The following SPOCK3 variants were observed in gnomAD, a reference collection of about 807,000 sequenced individuals.
The protein encoded by SPOCK3 is SPARC (osteonectin), cwcv and kazal like domains proteoglycan 3, also known as testican-3.
Under a neutral mutation model 56.6 loss-of-function variants are expected in SPOCK3, and 30 were observed. That is an observed-to-expected ratio of 0.53 (90% confidence interval 0.40 to 0.72). The LOEUF is 0.72. Among genes scored for constraint, SPOCK3 ranks in the 30% least tolerant of loss-of-function variants. The pLI is 0.00. For synonymous variants in SPOCK3, 196 were observed against 183.3 expected (o/e 1.07, Z -0.56); for missense variants, 527 against 530.0 (o/e 0.99, Z 0.06).
At chr4:167,026,076 G>A (rs769672142) in intron 3 of SPOCK3, among the ~76,000 whole-genome samples, 4 of 152,074 alleles carry the variant, frequency 2.6e-5, no homozygotes, top group Non-Finnish European at 4.4e-5. Flanking sequence ...TAGGTGACAG[G>A]ACATTTTCAG....
At chr4:167,062,412 C>T (rs771420239) in intron 3 of SPOCK3, 80 bp downstream of exon 3, 211 of 1,106,922 alleles carry the variant, frequency 1.9e-4, no homozygotes, top group Non-Finnish European at 2.6e-4. Flanking sequence ...CAAGCCTAAC[C>T]AGACAGTAAA....
chr4:166,939,584 A>G (rs1315048202), intron 4 of SPOCK3, among the ~76,000 whole-genome samples: 2 of 152,182 alleles, frequency 1.3e-5, no homozygotes, highest in African/African-American at 4.8e-5. Flanking sequence ...CTGCAGGAAG[A>G]GAAGTTATTT....
rs1755894985 is a variant in SPOCK3 at position 167,064,316 on chromosome 4, T to C, written c.190-1779A>G. ...GGCAAATTATAGCAATCTATACACATAGATTTTCCACTAAATTATCTAGGA... is the reference window on the plus strand; with the variant it reads ...GGCAAATTATAGCAATCTATACACACAGATTTTCCACTAAATTATCTAGGA... On this transcript the variant is annotated intron_variant, in intron 2 of 10. Transcript: ENST00000357545. Among the ~76,000 whole-genome samples, 3 of 151,770 alleles carry C rather than the reference T, an allele frequency of 2.0e-5. No individual in the cohort carries two copies. The South Asian group carries it at 6.2e-4, about 31-fold the overall frequency.
chr4:166,928,883 G>A (rs773587761), intron 4 of SPOCK3, among the ~76,000 whole-genome samples: 32 of 152,104 alleles, frequency 2.1e-4, no homozygotes, highest in African/African-American at 1.9e-4. Flanking sequence ...CAGGAGAATC[G>A]CTTGAACTCA....
At chr4:166,909,755 T>C (rs1737051938) in intron 5 of SPOCK3, among the ~76,000 whole-genome samples, 1 of 152,146 alleles carries the variant, frequency 6.6e-6, no homozygotes, top group East Asian at 1.9e-4. Flanking sequence ...AGCTCATCAT[T>C]ATTGTTCAAA....
At chr4:167,183,508 T>C (rs1240409765) in intron 2 of SPOCK3, among the ~76,000 whole-genome samples, 3 of 152,158 alleles carry the variant, frequency 2.0e-5, no homozygotes, top group African/African-American at 7.2e-5. Context: ...AATTATCTTC[T>C]TAAAGACATA....
At chr4:166,941,957 C>T (rs1377033165) in intron 4 of SPOCK3, among the ~76,000 whole-genome samples, 1 of 152,178 alleles carries the variant, frequency 6.6e-6, no homozygotes, top group Non-Finnish European at 1.5e-5. Flanking sequence ...TGCACTCAGA[C>T]ATCTGACTCA....
intron 4 of SPOCK3, among the ~76,000 whole-genome samples, chr4:166,989,242 C>G (rs1747513055): frequency 6.6e-6 from 1 of 151,908 alleles, no homozygotes; most frequent in Non-Finnish European, 1.5e-5. Context: ...ATATTTATGA[C>G]TAAAATCTAG....
chr4:166,860,741 C>T (rs1731138091), intron 6 of SPOCK3, among the ~76,000 whole-genome samples: 1 of 128,948 alleles, frequency 7.8e-6, no homozygotes, highest in Non-Finnish European at 1.6e-5. Flanking sequence ...GTTTCAGAAC[C>T]TCCCACTACA....
At chr4:166,743,292 T>C (rs1331559297) in intron 8 of SPOCK3, among the ~76,000 whole-genome samples, 1 of 152,104 alleles carries the variant, frequency 6.6e-6, no homozygotes, top group Non-Finnish European at 1.5e-5. Context: ...AGGCAAAGTA[T>C]ATTAATTTAA....
chr4:167,066,839 C>T (rs1203508409), intron 2 of SPOCK3, among the ~76,000 whole-genome samples: 2 of 151,822 alleles, frequency 1.3e-5, no homozygotes, highest in East Asian at 3.9e-4. Flanking sequence ...TAAATAAACA[C>T]CACACCCAGT....
At chr4:167,171,973 T>C (rs1253357931) in intron 2 of SPOCK3, among the ~76,000 whole-genome samples, 5 of 151,568 alleles carry the variant, frequency 3.3e-5, no homozygotes, top group Non-Finnish European at 7.4e-5. Context: ...CTAAAGAGGA[T>C]ACTGCATAAA....
chr4:167,223,490 A>C (rs967077139), intron 2 of SPOCK3, among the ~76,000 whole-genome samples: 6 of 151,748 alleles, frequency 4.0e-5, no homozygotes, highest in Admixed American at 2.0e-4. Flanking sequence ...ACAGATGAAG[A>C]AGCATTACTC....
At chr4:167,153,515 G>GC (rs1171708357) in intron 2 of SPOCK3, among the ~76,000 whole-genome samples, 1 of 152,134 alleles carries the variant, frequency 6.6e-6, no homozygotes, top group Non-Finnish European at 1.5e-5. Flanking sequence ...AGAAACTCGT[G>GC]CCACATTCCC....
intron 6 of SPOCK3, among the ~76,000 whole-genome samples, chr4:166,861,143 A>G (rs150369542): frequency 6.6e-6 from 1 of 152,170 alleles, no homozygotes; most frequent in African/African-American, 2.4e-5. Context: ...AGGCCTTTCC[A>G]TATGATAAGT....
chr4:166,797,398 G>A (rs1742078499), intron 6 of SPOCK3, among the ~76,000 whole-genome samples: 1 of 146,632 alleles, frequency 6.8e-6, no homozygotes, highest in Non-Finnish European at 1.5e-5. Context: ...CTACAAATAT[G>A]TAAACAACAA....
At chr4:167,020,759 T>C (rs1751087561) in intron 3 of SPOCK3, among the ~76,000 whole-genome samples, 1 of 152,002 alleles carries the variant, frequency 6.6e-6, no homozygotes, top group Non-Finnish European at 1.5e-5. Flanking sequence ...GAAAGAAGCA[T>C]CATTTTTTCC....
chr4:167,199,736 T>TAAC (rs1399628391), intron 2 of SPOCK3, among the ~76,000 whole-genome samples: 4 of 139,862 alleles, frequency 2.9e-5, no homozygotes, highest in African/African-American at 1.1e-4. Flanking sequence ...ATAATAATAA[T>TAAC]AACTTTAAGT....
intron 6 of SPOCK3, among the ~76,000 whole-genome samples, chr4:166,868,405 G>C (rs1579480288): frequency 6.6e-6 from 1 of 152,144 alleles, no homozygotes; most frequent in East Asian, 1.9e-4. Flanking sequence ...GCTATGGTGA[G>C]GTATGGTTTA....
Sources: allele counts gnomAD v4.1 joint callset (sites outside exome capture counted in the v4.1 genomes callset), GRCh38; gene constraint gnomAD v4.1.1; transcripts MANE v1.5; gene names NCBI Gene and HGNC (gene_info 2026-07-23, HGNC 2026-07-21).